CHCHD3: variants seen among roughly 807,000 people sequenced by gnomAD.
CHCHD3 encodes MICOS complex subunit MIC19.
In CHCHD3, 20 loss-of-function variants were observed where a neutral mutation model predicts 38.2. The observed-to-expected ratio is 0.52, with a 90% CI of 0.37 to 0.76. CHCHD3 has a LOEUF of 0.76. Among genes scored for constraint, CHCHD3 ranks in the 30% least tolerant of loss-of-function variants. The pLI, the probability that CHCHD3 is intolerant of heterozygous loss-of-function variation, is 0.00. For synonymous variants in CHCHD3, 82 were observed against 100.0 expected (o/e 0.82, Z 1.07); for missense variants, 245 against 279.2 (o/e 0.88, Z 0.87).
At chr7:133,060,030 C>A (rs1584679235) in intron 2 of CHCHD3, among the ~76,000 whole-genome samples, 1 of 152,160 alleles carries the variant, frequency 6.6e-6, no homozygotes, top group Non-Finnish European at 1.5e-5. Flanking sequence ...CATACTATTA[C>A]AAGGATCAGT....
At chr7:132,882,235 CA>C (rs1476388506) in intron 5 of CHCHD3, among the ~76,000 whole-genome samples, 1 of 152,092 alleles carries the variant, frequency 6.6e-6, no homozygotes, top group Non-Finnish European at 1.5e-5. Flanking sequence ...CCAGACACCA[CA>C]AGGGATTAGG....
chr7:132,832,920 A>G (rs1807685539), intron 6 of CHCHD3, among the ~76,000 whole-genome samples: 1 of 152,202 alleles, frequency 6.6e-6, no homozygotes, highest in Admixed American at 6.5e-5. Flanking sequence ...TATGAGCTCC[A>G]TAAGGGTAAG....
Position 132,852,317 on chromosome 7 carries a change from A to G in CHCHD3, c.454-13848T>C, listed in dbSNP as rs559681206. ...GATCCCTTGAAAGGCTATTGGACAG[A>G]GAGCTCCAAACAGCTAACCAATTAC... On this transcript the variant is annotated intron_variant, in intron 5 of 7. Transcript: ENST00000262570. Among the ~76,000 whole-genome samples, 9 of 152,308 alleles carry G rather than the reference A, an allele frequency of 5.9e-5. No individual in the cohort carries two copies. The East Asian group carries it at 1.7e-3, about 29-fold the overall frequency.
chr7:132,953,170 AC>A (rs1322905670), intron 4 of CHCHD3, among the ~76,000 whole-genome samples: 1 of 152,162 alleles, frequency 6.6e-6, no homozygotes, highest in East Asian at 1.9e-4. Context: ...ACTCCACGTA[AC>A]TTTCCGCGGC....
chr7:132,988,828 A>C (rs543649625), intron 3 of CHCHD3, among the ~76,000 whole-genome samples: 3 of 152,248 alleles, frequency 2.0e-5, no homozygotes, highest in African/African-American at 7.2e-5. Context: ...CTACAGCAGG[A>C]GAATCACTTG....
chr7:132,924,505 C>T (rs981944429), intron 4 of CHCHD3, among the ~76,000 whole-genome samples: 3 of 152,140 alleles, frequency 2.0e-5, no homozygotes, highest in Non-Finnish European at 4.4e-5. Context: ...GAAATTGAGA[C>T]TATAAACCAC....
At chr7:132,998,758 T>C (rs149547045) in intron 3 of CHCHD3, among the ~76,000 whole-genome samples, 9 of 152,286 alleles carry the variant, frequency 5.9e-5, no homozygotes, top group Middle Eastern at 3.4e-3. Flanking sequence ...CCACATCTTC[T>C]ACTAAGGGAA....
chr7:133,063,907 T>C (rs1222036269), intron 2 of CHCHD3, among the ~76,000 whole-genome samples: 1 of 152,156 alleles, frequency 6.6e-6, no homozygotes, highest in African/African-American at 2.4e-5. Context: ...TCTACCAGGA[T>C]TACCTTCTAC....
intron 2 of CHCHD3, among the ~76,000 whole-genome samples, chr7:133,049,093 T>A (rs1189653998): frequency 6.6e-6 from 1 of 152,210 alleles, no homozygotes; most frequent in African/African-American, 2.4e-5. Flanking sequence ...AATTAACATT[T>A]CACCAGATAT....
intron 3 of CHCHD3, among the ~76,000 whole-genome samples, chr7:132,989,665 T>C (rs1812217944): frequency 6.6e-6 from 1 of 152,194 alleles, no homozygotes; most frequent in Non-Finnish European, 1.5e-5. Flanking sequence ...AGTATTCTGA[T>C]TTTAGTTCAT....
At chr7:132,847,316 T>G (rs1186627268) in intron 5 of CHCHD3, 1 of 152,182 alleles carries the variant, frequency 6.6e-6, no homozygotes, top group Non-Finnish European at 1.5e-5. Context: ...GAATGGGTGT[T>G]TACTGAGCAA....
intron 1 of CHCHD3, among the ~76,000 whole-genome samples, chr7:133,071,435 G>C (rs143973228): frequency 2.0e-5 from 3 of 152,174 alleles, no homozygotes; most frequent in South Asian, 2.1e-4. Context: ...CTCTTCAATT[G>C]AAACAGTTTG....
At chr7:133,034,630 T>C in intron 2 of CHCHD3, 5 of 1,611,708 alleles carry the variant, frequency 3.1e-6, no homozygotes, top group Non-Finnish European at 4.2e-6. Flanking sequence ...TTGCCGTGAT[T>C]GAAGGCTTTG....
chr7:132,938,997 A>G (rs1300971016), intron 4 of CHCHD3, among the ~76,000 whole-genome samples: 2 of 152,194 alleles, frequency 1.3e-5, no homozygotes, highest in African/African-American at 4.8e-5. Flanking sequence ...AGGGAAAACA[A>G]TAACCGAATG....
chr7:132,894,875 C>T (rs373203325), intron 4 of CHCHD3, among the ~76,000 whole-genome samples: 5 of 152,296 alleles, frequency 3.3e-5, no homozygotes, highest in Admixed American at 1.3e-4. Flanking sequence ...GTGCTGCCAG[C>T]ATGTTACTCA....
At chr7:132,943,957 A>G (rs906603435) in intron 4 of CHCHD3, among the ~76,000 whole-genome samples, 11 of 152,080 alleles carry the variant, frequency 7.2e-5, no homozygotes, top group African/African-American at 2.4e-4. Context: ...TTCCCACCAC[A>G]TATTGCTGGT....
At position 132,828,012 on chromosome 7, in the gene CHCHD3, T is replaced by G. The variant is rs73441252; in HGVS notation, c.524+10387A>C. ...GAATACTGTCTGTTTTGTTTCTCCA[T>G]TCCCTCAATGATGACCATTCGGATT... On this transcript the variant is annotated intron_variant, in intron 6 of 7. Transcript: ENST00000262570. 1.3e-3 allele frequency among the ~76,000 whole-genome samples: 199 copies of G among 152,276 alleles called. 2 individuals carry two copies. Among genetic ancestry groups the G allele is most frequent in the African/African-American group, 4.7e-3 (194 of 41,562 alleles).
intron 1 of CHCHD3, among the ~76,000 whole-genome samples, 199 bp downstream of exon 1, chr7:133,081,658 A>AGCAGTT (rs1815173850): frequency 6.6e-6 from 1 of 152,220 alleles, no homozygotes; most frequent in South Asian, 2.1e-4. Flanking sequence ...AGTGCCTAGC[A>AGCAGTT]CTTGGCACAA....
intron 5 of CHCHD3, among the ~76,000 whole-genome samples, chr7:132,842,076 C>A (rs1032153753): frequency 2.0e-5 from 3 of 151,400 alleles, no homozygotes; most frequent in Non-Finnish European, 4.4e-5. Context: ...CCAGCCTGGG[C>A]GACAGAGCAA....
Sources: allele counts gnomAD v4.1 joint callset (sites outside exome capture counted in the v4.1 genomes callset), GRCh38; gene constraint gnomAD v4.1.1; transcripts MANE v1.5; gene names NCBI Gene and HGNC (gene_info 2026-07-23, HGNC 2026-07-21).